Variants in LSAMP observed in about 807,000 individuals in gnomAD.
LSAMP encodes limbic system-associated membrane protein.
Under a neutral mutation model 38.6 loss-of-function variants are expected in LSAMP, and 7 were observed. The observed-to-expected ratio is 0.18, with a 90% CI of 0.10 to 0.34. LSAMP has a LOEUF of 0.34. Ranked by LOEUF, LSAMP falls within the 10% of genes least tolerant of loss-of-function variation. The pLI, the probability that LSAMP is intolerant of heterozygous loss-of-function variation, is 1.00. For missense variants in LSAMP, 313 were observed against 420.0 expected (o/e 0.75, Z 2.23); for synonymous variants, 154 against 166.8 (o/e 0.92, Z 0.59).
At chr3:116,091,155 G>T (rs953581353) in intron 1 of LSAMP, among the ~76,000 whole-genome samples, 6 of 152,202 alleles carry the variant, frequency 3.9e-5, no homozygotes, top group Non-Finnish European at 8.8e-5. Flanking sequence ...GACGTTCCAT[G>T]CTGAGAAAAA....
At chr3:116,072,496 C>A (rs1707632168) in intron 2 of LSAMP, among the ~76,000 whole-genome samples, 1 of 152,134 alleles carries the variant, frequency 6.6e-6, no homozygotes, top group Admixed American at 6.5e-5. Flanking sequence ...AGTGATTGGA[C>A]TGATTTATAC....
chr3:116,206,975 C>G, intron 1 of LSAMP, among the ~76,000 whole-genome samples: 1 of 150,118 alleles, frequency 6.7e-6, no homozygotes, highest in Non-Finnish European at 1.5e-5. Context: ...CTTTCTGTCT[C>G]GTTGATCTGT....
At chr3:116,356,015 C>A (rs1383019173) in intron 1 of LSAMP, among the ~76,000 whole-genome samples, 1 of 152,040 alleles carries the variant, frequency 6.6e-6, no homozygotes, top group Admixed American at 6.6e-5. Context: ...GAGAATAGTT[C>A]AGAGGTTCCT....
chr3:116,282,393 C>A (rs1016746530), intron 1 of LSAMP, among the ~76,000 whole-genome samples: 1 of 152,100 alleles, frequency 6.6e-6, no homozygotes, highest in Non-Finnish European at 1.5e-5. Context: ...CACATAAATT[C>A]TTCATTAAAA....
intron 1 of LSAMP, among the ~76,000 whole-genome samples, chr3:116,224,554 CT>C (rs1411988802): frequency 1.3e-5 from 2 of 152,118 alleles, no homozygotes; most frequent in African/African-American, 4.8e-5. Flanking sequence ...AAAATGTTTC[CT>C]TTTTTTCTGC....
At chr3:115,986,316 T>G (rs116730219) in intron 3 of LSAMP, among the ~76,000 whole-genome samples, 1 of 152,050 alleles carries the variant, frequency 6.6e-6, no homozygotes, top group Non-Finnish European at 1.5e-5. Flanking sequence ...TTGAGTTAAC[T>G]GAGTTCAAAA....
chr3:116,387,174 T>C (rs570602003), intron 1 of LSAMP, among the ~76,000 whole-genome samples: 3 of 152,084 alleles, frequency 2.0e-5, no homozygotes, highest in South Asian at 2.1e-4. Context: ...AGCATTTAGA[T>C]AGGAAAATTA....
At chr3:116,347,833 C>T (rs2048084321) in intron 1 of LSAMP, among the ~76,000 whole-genome samples, 1 of 151,742 alleles carries the variant, frequency 6.6e-6, no homozygotes, top group African/African-American at 2.4e-5. Flanking sequence ...AAGAATATGG[C>T]ATGGTAGAAA....
intron 3 of LSAMP, among the ~76,000 whole-genome samples, chr3:115,968,775 A>G (rs1306332990): frequency 2.0e-5 from 3 of 152,106 alleles, no homozygotes; most frequent in Admixed American, 6.6e-5. Flanking sequence ...CTTGCCAGGG[A>G]ATTGCAGTCC....
rs544561828 is a variant in LSAMP at position 116,444,623 on chromosome 3, A to G, written c.155+254T>C. 7.2e-5 allele frequency among the ~76,000 whole-genome samples: 11 copies of G among 152,008 alleles called. No homozygotes were observed. The East Asian group carries it at 2.1e-3, about 30-fold the overall frequency. ...AGAGAAACAAGGTCCTAAGAACCGA[A>G]CAACATTTAACCAACACCACTGCTG... On this transcript the variant is annotated intron_variant, in intron 1 of 6. Transcript: ENST00000490035.
chr3:115,917,138 A>C (rs1331019461), intron 3 of LSAMP, among the ~76,000 whole-genome samples: 1 of 152,218 alleles, frequency 6.6e-6, no homozygotes, highest in Non-Finnish European at 1.5e-5. Context: ...GACTTACTGC[A>C]GATGGTTTCA....
At chr3:116,249,577 G>T (rs890194699) in intron 1 of LSAMP, among the ~76,000 whole-genome samples, 3 of 151,758 alleles carry the variant, frequency 2.0e-5, no homozygotes, top group Non-Finnish European at 4.4e-5. Flanking sequence ...GTGGAGTGGG[G>T]GTTTCACCAT....
chr3:116,163,866 T>TA (rs549315827), intron 1 of LSAMP, among the ~76,000 whole-genome samples: 4 of 151,912 alleles, frequency 2.6e-5, no homozygotes, highest in African/African-American at 9.7e-5. Flanking sequence ...GATTTTTCCT[T>TA]AAAAAAACAC....
intron 1 of LSAMP, among the ~76,000 whole-genome samples, chr3:116,321,732 G>C (rs2047709585): frequency 6.6e-6 from 1 of 152,156 alleles, no homozygotes; most frequent in African/African-American, 2.4e-5. Flanking sequence ...TTAGAACCAT[G>C]AGATAAGAGA....
At chr3:115,864,660 T>A (rs1369550858) in intron 3 of LSAMP, among the ~76,000 whole-genome samples, 3 of 152,144 alleles carry the variant, frequency 2.0e-5, no homozygotes, top group Non-Finnish European at 2.9e-5. Context: ...CTTATCTTCC[T>A]TTCTCGTGGG....
At chr3:116,072,752 G>GTTTTTTT (rs36091421) in intron 2 of LSAMP, among the ~76,000 whole-genome samples, 9 of 112,344 alleles carry the variant, frequency 8.0e-5, no homozygotes, top group East Asian at 2.7e-4. Flanking sequence ...GTTGTTTGTG[G>GTTTTTTT]TTTTTTTTTT....
intron 3 of LSAMP, among the ~76,000 whole-genome samples, chr3:115,949,280 T>C (rs1389271085): frequency 6.6e-6 from 1 of 152,054 alleles, no homozygotes; most frequent in African/African-American, 2.4e-5. Flanking sequence ...ATAATATTTA[T>C]TATAATATCT....
intron 4 of LSAMP, 89 bp downstream of exon 4, chr3:115,852,394 T>G: frequency 7.0e-7 from 1 of 1,427,092 alleles, no homozygotes; most frequent in Non-Finnish European, 9.4e-7. Context: ...TGAAATACAA[T>G]GTTCTTTTGC....
At chr3:116,202,601 C>T (rs756654744) in intron 1 of LSAMP, among the ~76,000 whole-genome samples, 1 of 152,068 alleles carries the variant, frequency 6.6e-6, no homozygotes, top group Non-Finnish European at 1.5e-5. Context: ...TGAGCCACCA[C>T]ACACAGCTAC....
Sources: gnomAD v4.1 joint callset for allele counts (sites outside exome capture counted in the v4.1 genomes callset) on GRCh38, gnomAD v4.1.1 for gene constraint, MANE v1.5 for transcripts, NCBI Gene and HGNC (gene_info 2026-07-23, HGNC 2026-07-21) for gene names.